SLC25A29: variants seen among roughly 807,000 people sequenced by gnomAD.
SLC25A29 encodes mitochondrial basic amino acids transporter.
SLC25A29 carries 13 observed loss-of-function variants against 10.0 expected under a neutral mutation model. The ratio of observed to expected loss-of-function variants is 1.30; its 90% confidence interval spans 0.85 to 2.07. The LOEUF (loss-of-function observed/expected upper bound fraction) is 2.07. SLC25A29 is among the 30% of genes most tolerant of loss of function. The pLI, the probability that SLC25A29 is intolerant of heterozygous loss-of-function variation, is 0.00. For missense variants in SLC25A29, 475 were observed against 447.6 expected (o/e 1.06, Z -0.55); for synonymous variants, 244 against 221.1 (o/e 1.10, Z -0.92).
intron 1 of SLC25A29, among the ~76,000 whole-genome samples, chr14:100,304,673 G>A (rs1408015557): frequency 6.6e-6 from 1 of 152,200 alleles, no homozygotes; most frequent in African/African-American, 2.4e-5. Context: ...TCCCAGGTGG[G>A]CCTATGAGGA....
chr14:100,287,499 TCCCTGC>T (rs1452735917), downstream of SLC25A29, among the ~76,000 whole-genome samples: 1 of 151,942 alleles, frequency 6.6e-6, no homozygotes, highest in Non-Finnish European at 1.5e-5. Flanking sequence ...AAACTCCAGA[TCCCTGC>T]GGAGTTCAGA....
intron 2 of SLC25A29, chr14:100,295,859 G>T (rs1353637188): frequency 2.3e-6 from 3 of 1,289,726 alleles, no homozygotes; most frequent in Non-Finnish European, 3.0e-6. Context: ...CCTGATTATT[G>T]CTGTGTCCAA....
intron 1 of SLC25A29, chr14:100,299,346 G>GAA: frequency 9.8e-7 from 1 of 1,019,318 alleles, no homozygotes; most frequent in Non-Finnish European, 1.2e-6. Flanking sequence ...GCTCACAAAT[G>GAA]ACTCTGTCTC....
chr14:100,290,755 G>A (rs1006337754), downstream of SLC25A29, among the ~76,000 whole-genome samples: 2 of 152,176 alleles, frequency 1.3e-5, no homozygotes, highest in African/African-American at 4.8e-5. Flanking sequence ...GGCTGAAATG[G>A]TCAGCTCCAC....
chr14:100,306,172 G>A (rs1361484841), intron 1 of SLC25A29, 27 bp downstream of exon 1: 2 of 1,435,010 alleles, frequency 1.4e-6, no homozygotes, highest in Non-Finnish European at 9.2e-7. Context: ...CCTCGCCCCG[G>A]CCCGGCCCGG....
At chr14:100,285,467 G>T in the SLC25A29 span, among the ~76,000 whole-genome samples, 1 of 151,694 alleles carries the variant, frequency 6.6e-6, no homozygotes, top group Admixed American at 6.6e-5. Context: ...CGTCCGCTGT[G>T]GGGAGGGGCT....
the SLC25A29 span, chr14:100,282,801 G>A: frequency 6.6e-6 from 1 of 152,174 alleles, no homozygotes; most frequent in South Asian, 2.1e-4. Context: ...AATGCCTGTG[G>A]TTCTTGTTTG....
At chr14:100,300,091 T>C (rs1892439306) in intron 1 of SLC25A29, 1 of 354,756 alleles carries the variant, frequency 2.8e-6, no homozygotes, top group South Asian at 1.2e-4. Context: ...GCCAACATGG[T>C]GAAACCCCGT....
chr14:100,289,982 C>T (rs372222620), downstream of SLC25A29, among the ~76,000 whole-genome samples: 270 of 152,308 alleles, frequency 1.8e-3, 2 homozygotes, highest in African/African-American at 6.1e-3. Context: ...GCTAGAAGCC[C>T]CCCGCCCCTT....
downstream of SLC25A29, among the ~76,000 whole-genome samples, chr14:100,289,382 T>C (rs1169090083): frequency 6.6e-6 from 1 of 152,208 alleles, no homozygotes; most frequent in African/African-American, 2.4e-5. Flanking sequence ...TGCTGGCACT[T>C]GCCCAAGATG....
chr14:100,296,825 C>T (rs958907508), intron 2 of SLC25A29, among the ~76,000 whole-genome samples: 28 of 152,146 alleles, frequency 1.8e-4, no homozygotes, highest in Non-Finnish European at 3.5e-4. Context: ...GTCTTGATCT[C>T]CTGACCTTGT....
chr14:100,297,941 A>T (rs1339156306), intron 2 of SLC25A29: 1 of 152,318 alleles, frequency 6.6e-6, no homozygotes, highest in Non-Finnish European at 1.5e-5. Context: ...TTTTAAGGTC[A>T]CAGCCAATGC....
chr14:100,292,528 G>A lies in SLC25A29; in HGVS notation c.667C>T (p.Arg223Trp), dbSNP rs1208323105. Reference protein sequence around the residue: ...VKSRLQADGLRGAPRYRGILD... With the variant: ...VKSRLQADGLWGAPRYRGILD... ...ATGCCGCGGTAGCGCGGGGCGCCCCGCAGTCCGTCCGCCTGCAGCCGCGAC... is the reference window on the plus strand; with the variant it reads ...ATGCCGCGGTAGCGCGGGGCGCCCCACAGTCCGTCCGCCTGCAGCCGCGAC... The change falls in exon 4 of 4, where the codon CGG becomes TGG. Residue 223 changes from arginine to tryptophan, a missense_variant. Physicochemically the swap from Arg to Trp is moderately radical, Grantham distance 101 (BLOSUM62 -3). Transcript: ENST00000359232. 1.9e-6 allele frequency: 3 copies of A among 1,592,366 alleles called. No homozygotes were observed. The highest frequency in any genetic ancestry group is 1.3e-5 in the African/African-American group (1 of 74,500).
intron 2 of SLC25A29, 35 bp from the exon 3 acceptor site, chr14:100,293,412 C>A: frequency 1.3e-6 from 2 of 1,598,864 alleles, no homozygotes; most frequent in Non-Finnish European, 1.7e-6. Flanking sequence ...GGCAGGCAGG[C>A]AGGACCAGAG....
Position 100,292,648 on chromosome 14 carries a change from G to T in SLC25A29, c.547C>A (p.Pro183Thr). 6.3e-7 allele frequency: 1 copy of T among 1,595,648 alleles called. No individual in the cohort carries two copies. Among genetic ancestry groups the T allele is most frequent in the Non-Finnish European group, 8.5e-7 (1 of 1,173,024 alleles). ...TTGGGCACCAGCAGGCGGTCGCCCG[G>T]CTCGCAGCCCAGCGCCCGCGTGAGA... ...DALTRALGCE[P>T]GDRLLVPKLL... The change falls in exon 4 of 4, where the codon CCG (proline) becomes ACG (threonine). Residue 183 changes from proline to threonine, a missense_variant. Transcript: ENST00000359232.
rs1191275987 is a variant in SLC25A29, at chr14:100,292,608, C to G, written c.587G>C (p.Gly196Ala). The G allele has an allele frequency of 3.1e-6, 5 of 1,605,416 alleles. No individual in the cohort carries two copies. The highest frequency in any genetic ancestry group is 4.2e-6 in the Non-Finnish European group (5 of 1,176,896). Residue 196 changes from glycine (G) to alanine (A), a missense_variant, in exon 4 of 4, where the codon GGC becomes GCC. Transcript: ENST00000359232. ...CCAGGACACGATGCCTGACGTACCG[C>G]CCGCCAACAGCAGCTTGGGCACCAG... ...RLLVPKLLLA[G>A]GTSGIVSWLS...
chr14:100,301,840 A>G (rs575084597), intron 1 of SLC25A29, among the ~76,000 whole-genome samples: 1 of 151,802 alleles, frequency 6.6e-6, no homozygotes, highest in South Asian at 2.1e-4. Context: ...TAATCATTAT[A>G]TAGAAACAGG....
intron 3 of SLC25A29, 24 bp downstream of exon 3, chr14:100,293,270 G>T: frequency 6.2e-7 from 1 of 1,610,718 alleles, no homozygotes; most frequent in Non-Finnish European, 8.5e-7. Context: ...TGCCTCCCGA[G>T]CCCCACCAGC....
At chr14:100,286,597 C>G (rs1398032196), downstream of SLC25A29, among the ~76,000 whole-genome samples, 1 of 152,196 alleles carries the variant, frequency 6.6e-6, no homozygotes, top group African/African-American at 2.4e-5. Flanking sequence ...AGGCCCATTC[C>G]CCTCAGCCTC....
Sources: gnomAD v4.1 joint callset for allele counts (sites outside exome capture counted in the v4.1 genomes callset) on GRCh38, gnomAD v4.1.1 for gene constraint, MANE v1.5 for transcripts, NCBI Gene and HGNC (gene_info 2026-07-23, HGNC 2026-07-21) for gene names.